Variants in HTRA2 observed in about 807,000 individuals in gnomAD.
HTRA2 encodes the protein HtrA serine peptidase 2.
HTRA2 carries 24 observed loss-of-function variants against 42.2 expected under a neutral mutation model. The observed-to-expected ratio is 0.57, with a 90% CI of 0.41 to 0.80. The LOEUF is 0.80. Ranked by LOEUF, HTRA2 falls within the 30% of genes least tolerant of loss-of-function variation. The pLI is 0.00. For missense variants in HTRA2, 466 were observed against 613.5 expected (o/e 0.76, Z 2.54); for synonymous variants, 245 against 255.8 (o/e 0.96, Z 0.40).
rs1369462310 is a variant in HTRA2 at position 74,530,950 on chromosome 2, G to A, written c.751G>A (p.Val251Ile). Residue 251 changes from valine (V) to isoleucine (I), a missense_variant, in exon 3 of 8, where the codon GTC (valine) becomes ATC (isoleucine). Transcript: ENST00000258080. The surrounding 1 kb of genome is among the most constrained non-coding windows in gnomAD (Gnocchi z 7.4). ...GCTGCCTCTGGGACGCTCAGCTGAT[G>A]TCCGGCAAGGGGAGTTTGTTGTTGC... The part of the protein sequence containing the change: ...PTLPLGRSAD[V>I]RQGEFVVAMG... The A allele has an allele frequency of 1.2e-6, 2 of 1,614,220 alleles. No individual in the cohort carries two copies. The highest frequency in any genetic ancestry group is 1.1e-5 in the South Asian group (1 of 91,088).
In HTRA2 at chr2:74,530,059, G is replaced by T. The variant is rs1675471143; in HGVS notation, c.53G>T (p.Arg18Leu). The change falls in exon 1 of 8, where the codon CGG becomes CTG. Residue 18 changes from arginine (R) to leucine (L), a missense_variant. By Grantham distance (102) the Arg-to-Leu change is moderately radical. Around this residue, in one of 3 missense-constraint regions of HTRA2, gnomAD observed 222 missense variants for 205.1 expected, o/e 1.08. Transcript: ENST00000258080. The surrounding 1 kb of genome is among the most constrained non-coding windows in gnomAD (Gnocchi z 7.4). ...GCAGGCTGGAGCCTTCGGGCATGGC[G>T]GGCTTTGGGGGGCATTCGCTGGGGG... ...RGAGWSLRAW[R>L]ALGGIRWGRR... is the part of the protein sequence containing the mutation. 1 of 1,584,902 alleles carries T rather than the reference G, an allele frequency of 6.3e-7. No individual in the cohort carries two copies. Among genetic ancestry groups the T allele is most frequent in the East Asian group, 2.3e-5 (1 of 44,196 alleles).
rs1329784570 is a variant in HTRA2, at chr2:74,530,415, A to G, written c.409A>G (p.Ser137Gly). ...GPPAVLAAVPSPPPASPRSQY... is the reference protein window; with the variant it reads ...GPPAVLAAVPGPPPASPRSQY... Reference sequence around the variant, plus strand: ...TCCGGCCGTCCTCGCCGCCGTCCCTAGCCCGCCGCCCGCTTCTCCCCGGAG... The same window carrying G: ...TCCGGCCGTCCTCGCCGCCGTCCCTGGCCCGCCGCCCGCTTCTCCCCGGAG... The change falls in exon 1 of 8, where the codon AGC (serine) becomes GGC (glycine). Residue 137 changes from serine (S) to glycine (G), a missense_variant. This residue lies in a region of HTRA2 where 222 missense variants were observed against 205.1 expected (regional missense o/e 1.08). Coordinates refer to ENST00000258080, the MANE Select transcript of HTRA2 (RefSeq NM_013247.5). The surrounding 1 kb of genome is among the most constrained non-coding windows in gnomAD (Gnocchi z 7.4). 1 of 1,600,722 alleles carries G rather than the reference A, an allele frequency of 6.2e-7. No homozygotes were observed. Among genetic ancestry groups the G allele is most frequent in the Non-Finnish European group, 8.5e-7 (1 of 1,177,326 alleles).
At chr2:74,531,180 T>C (rs545212284) in intron 3 of HTRA2, 75 bp downstream of exon 3, 27 of 1,551,818 alleles carry the variant, frequency 1.7e-5, no homozygotes, top group Non-Finnish European at 2.4e-5. Context: ...CACCAACTGA[T>C]ATATGGTGGA....
Position 74,531,380 on chromosome 2 carries a change from GAC to G in HTRA2, c.939+11_939+12del, listed in dbSNP as rs1159036284. The G allele has an allele frequency of 1.2e-6, 2 of 1,613,948 alleles. No homozygotes were observed. Among genetic ancestry groups the G allele is most frequent in the African/African-American group, 2.7e-5 (2 of 74,918 alleles). On this transcript the variant is annotated intron_variant, in intron 4 of 7. Transcript: ENST00000258080. ...GTCCCCTGGTTAACCTGGTGAGTGA[GAC>G]ATCCTTCCTTCCAAGAATCCCTGCC...
upstream of HTRA2, chr2:74,529,682 C>A: frequency 6.5e-7 from 1 of 1,541,594 alleles, no homozygotes; most frequent in South Asian, 1.2e-5. Context: ...TTTTCGCGCC[C>A]GGCCGCAGGG....
At chr2:74,529,737 G>C, upstream of HTRA2, 3 of 1,517,362 alleles carry the variant, frequency 2.0e-6, no homozygotes, top group Non-Finnish European at 2.6e-6. Flanking sequence ...CGGGGTGAGG[G>C]GACCCGAAGT....
chr2:74,532,340 G>A, intron 6 of HTRA2: 3 of 494,082 alleles, frequency 6.1e-6, no homozygotes, highest in Non-Finnish European at 1.1e-5. Flanking sequence ...CTCAACTTAA[G>A]TTCTTTCCCC....
At chr2:74,531,512 C>G (rs751602473) in intron 4 of HTRA2, 85 bp from the exon 5 acceptor site, 4 of 1,611,582 alleles carry the variant, frequency 2.5e-6, no homozygotes, top group Non-Finnish European at 3.4e-6. Context: ...CCAGATCTCC[C>G]CAACACTTGC....
Position 74,530,240 on chromosome 2 carries a change from TC to T in HTRA2, c.238del (p.Arg80GlyfsTer4). The T allele has an allele frequency of 6.2e-7, 1 of 1,609,550 alleles. No homozygotes were observed. Among genetic ancestry groups the T allele is most frequent in the Non-Finnish European group, 8.5e-7 (1 of 1,178,172 alleles). On this transcript the variant is annotated frameshift_variant, in exon 1 of 8. Transcript: ENST00000258080. LOFTEE classifies it high-confidence loss of function. The surrounding 1 kb of genome is among the most constrained non-coding windows in gnomAD (Gnocchi z 7.4). The stretch of plus-strand genomic sequence containing the variant: ...CATGCCTGACGTCTGGGACCCCGGG[TC>T]CCCGGGCACAACTGACTGCGGTGAC... Reference protein sequence around the residue: ...RACLTSGTPGPRAQLTAVTPD... With the variant: ...RACLTSGTPGXRAQLTAVTPD...
At chr2:74,531,231 TATTC>T in intron 3 of HTRA2, 104 bp from the exon 4 acceptor site, 1 of 1,549,148 alleles carries the variant, frequency 6.5e-7, no homozygotes, top group Non-Finnish European at 8.9e-7. Context: ...TGTGGCCACT[TATTC>T]ATGGGCTGAG....
In HTRA2 at chr2:74,532,806, A is replaced by G; in HGVS notation, c.1212-14A>G. The G allele has an allele frequency of 1.2e-6, 2 of 1,613,878 alleles. No homozygotes were observed. Among genetic ancestry groups the G allele is most frequent in the Non-Finnish European group, 8.5e-7 (1 of 1,180,008 alleles). ...TGTACTCCTTCCTTTCTCTCTGTCCATTTTTCTCTATAGGGCTGGTCTGCG... is the reference window on the plus strand; with the variant it reads ...TGTACTCCTTCCTTTCTCTCTGTCCGTTTTTCTCTATAGGGCTGGTCTGCG... On this transcript the variant is annotated splice_polypyrimidine_tract_variant and intron_variant, in intron 7 of 7. Transcript: ENST00000258080.
Sources: allele counts gnomAD v4.1 joint callset, GRCh38; gene constraint gnomAD v4.1.1; regional missense constraint gnomAD v4.1.1; non-coding constraint Gnocchi (gnomAD v3.1); transcripts MANE v1.5; gene names NCBI Gene and HGNC (gene_info 2026-07-23, HGNC 2026-07-21).